Variants in CLYBL observed in about 807,000 individuals in gnomAD.
CLYBL encodes the protein citramalyl-CoA lyase, mitochondrial.
A neutral mutation model predicts 38.9 loss-of-function variants in CLYBL; 31 were observed. The observed-to-expected ratio is 0.80, with a 90% CI of 0.60 to 1.08. The LOEUF is 1.08. CLYBL is among the 50% of genes least tolerant of loss of function. The pLI is 0.00. For missense variants in CLYBL, 434 were observed against 411.6 expected (o/e 1.05, Z -0.47); for synonymous variants, 171 against 158.6 (o/e 1.08, Z -0.59).
intron 1 of CLYBL, 59 bp from the exon 2 acceptor site, chr13:99,772,765 C>G: frequency 7.4e-7 from 1 of 1,347,174 alleles, no homozygotes; most frequent in Non-Finnish European, 1.0e-6. Context: ...TATAGTTTTT[C>G]ACAAGTTTAT....
chr13:99,855,502 A>G (rs2139184673), intron 2 of CLYBL, among the ~76,000 whole-genome samples: 1 of 152,174 alleles, frequency 6.6e-6, no homozygotes, highest in East Asian at 1.9e-4. Context: ...AAAGAGAGAA[A>G]GAAAAAGAAG....
At chr13:99,639,877 A>G (rs2047070015) in intron 1 of CLYBL, among the ~76,000 whole-genome samples, 3 of 152,236 alleles carry the variant, frequency 2.0e-5, no homozygotes, top group Non-Finnish European at 4.4e-5. Flanking sequence ...AGCCTGGGCA[A>G]CATAGCAAGA....
chr13:99,855,738 G>A (rs1199984563), intron 2 of CLYBL, among the ~76,000 whole-genome samples: 7 of 152,026 alleles, frequency 4.6e-5, no homozygotes, highest in Non-Finnish European at 1.0e-4. Flanking sequence ...AGATGGCATG[G>A]GCGTGTTTGC....
In CLYBL at chr13:99,707,907, G is replaced by A. The variant is rs535876449; in HGVS notation, c.63-64917G>A. On this transcript the variant is annotated intron_variant, in intron 1 of 8. Transcript: ENST00000339105. Reference sequence around the variant, plus strand: ...AACAGATTCTGTTGGACCCACAACTGATATGCTTTCAGCCAGGTTCCATTT... The same window carrying A: ...AACAGATTCTGTTGGACCCACAACTAATATGCTTTCAGCCAGGTTCCATTT... Among the ~76,000 whole-genome samples, 9 of 152,300 alleles carry A rather than the reference G, an allele frequency of 5.9e-5. No homozygotes were observed. The South Asian group carries it at 1.9e-3, about 32-fold the overall frequency.
intron 1 of CLYBL, among the ~76,000 whole-genome samples, chr13:99,710,666 C>G (rs1347631188): frequency 6.6e-6 from 1 of 152,122 alleles, no homozygotes; most frequent in Non-Finnish European, 1.5e-5. Flanking sequence ...GTATCAGCCC[C>G]CTAGTTTCTT....
intron 2 of CLYBL, among the ~76,000 whole-genome samples, chr13:99,814,176 C>T (rs546490703): frequency 6.6e-6 from 1 of 152,260 alleles, no homozygotes; most frequent in African/African-American, 2.4e-5. Context: ...ATTACAATGA[C>T]ATTTTCAAAA....
downstream of CLYBL, chr13:99,893,222 G>A (rs2052526371): frequency 6.6e-6 from 1 of 152,430 alleles, no homozygotes; most frequent in Non-Finnish European, 1.5e-5. Context: ...GCCAACTTCA[G>A]AGCCGAATGG....
chr13:99,869,439 C>T lies in CLYBL; in HGVS notation c.803-1499C>T, dbSNP rs114750298. On this transcript the variant is annotated intron_variant, in intron 6 of 8. Transcript: ENST00000339105. The surrounding 1 kb of genome is among the most constrained non-coding windows in gnomAD (Gnocchi z 4.3). The stretch of plus-strand genomic sequence containing the variant: ...CTATTAAATTACTTAAATATAATCT[C>T]GATACCTACTACCGAAAAAAGCCCT... Among the ~76,000 whole-genome samples, 721 of 152,184 alleles carry T rather than the reference C, an allele frequency of 4.7e-3. 5 individuals are homozygous for T. The highest frequency in any genetic ancestry group is 0.016 in the African/African-American group (681 of 41,534).
At chr13:99,797,560 T>TGTGTGTGTGTGTGTG (rs2050046535) in intron 2 of CLYBL, among the ~76,000 whole-genome samples, 2 of 141,708 alleles carry the variant, frequency 1.4e-5, no homozygotes, top group African/African-American at 2.7e-5. Context: ...TGTTAGCTGT[T>TGTGTGTGTGTGTGTG]TGTGTGTGTG....
Position 99,865,093 on chromosome 13 carries a change from C to G in CLYBL, c.634+182C>G, listed in dbSNP as rs769358515. ...CCTGATAATTTAGGGCTCCTCATAG[C>G]TGCCCTGCTTCTAGAGCACTGCATT... On this transcript the variant is annotated intron_variant, in intron 5 of 8. Coordinates refer to ENST00000339105, the MANE Select transcript of CLYBL (RefSeq NM_206808.5). The surrounding 1 kb of genome is among the most constrained non-coding windows in gnomAD (Gnocchi z 4.7). 20 of 651,848 alleles carry G rather than the reference C, an allele frequency of 3.1e-5. No homozygotes were observed. The highest frequency in any genetic ancestry group is 8.7e-6 in the Non-Finnish European group (3 of 346,638). The allele number at this position is 651,848 out of a possible 1,614,324, so 40.4% of individuals were successfully genotyped here.
chr13:99,617,921 C>T (rs2046737174), intron 1 of CLYBL, among the ~76,000 whole-genome samples: 1 of 152,158 alleles, frequency 6.6e-6, no homozygotes, highest in African/African-American at 2.4e-5. Context: ...TCCTTGACCA[C>T]CCTGTACAAC....
chr13:99,724,896 A>G (rs904768065), intron 1 of CLYBL, among the ~76,000 whole-genome samples: 9 of 152,228 alleles, frequency 5.9e-5, no homozygotes, highest in Non-Finnish European at 1.2e-4. Flanking sequence ...GTCACTTGCC[A>G]CCAGTATCCT....
chr13:99,896,911 C>A (rs1374066114), downstream of CLYBL: 1 of 152,158 alleles, frequency 6.6e-6, no homozygotes, highest in Non-Finnish European at 1.5e-5. Flanking sequence ...CAACAGACAC[C>A]TGTTGAACCC....
At chr13:99,655,395 T>C (rs868295372) in intron 1 of CLYBL, among the ~76,000 whole-genome samples, 3 of 152,206 alleles carry the variant, frequency 2.0e-5, no homozygotes, top group African/African-American at 4.8e-5. Flanking sequence ...ATTTCGTTAC[T>C]GGCAAGATGA....
intron 1 of CLYBL, among the ~76,000 whole-genome samples, chr13:99,718,745 TTAGA>T (rs1199515906): frequency 1.3e-5 from 2 of 152,252 alleles, no homozygotes; most frequent in African/African-American, 2.4e-5. Context: ...CTTTTTATCA[TTAGA>T]TAATGATCTT....
chr13:99,839,100 G>A (rs937778534), intron 2 of CLYBL, among the ~76,000 whole-genome samples: 17 of 152,218 alleles, frequency 1.1e-4, no homozygotes, highest in African/African-American at 4.1e-4. Context: ...CTCCATGTGA[G>A]TCAACAGTGT....
At chr13:99,751,537 T>C (rs1035079011) in intron 1 of CLYBL, among the ~76,000 whole-genome samples, 1 of 152,200 alleles carries the variant, frequency 6.6e-6, no homozygotes, top group Non-Finnish European at 1.5e-5. Flanking sequence ...GAAGATATTA[T>C]GCTGAGTGAA....
intron 1 of CLYBL, among the ~76,000 whole-genome samples, chr13:99,747,476 C>T (rs954226644): frequency 1.3e-5 from 2 of 152,080 alleles, no homozygotes; most frequent in Admixed American, 1.3e-4. Context: ...AAGGAGCTAC[C>T]GGGTGCCCAT....
chr13:99,822,278 G>A (rs892365917), intron 2 of CLYBL, among the ~76,000 whole-genome samples: 2 of 152,172 alleles, frequency 1.3e-5, no homozygotes, highest in African/African-American at 4.8e-5. Flanking sequence ...TAATATAGTA[G>A]GCATACCATC....
Sources: gnomAD v4.1 joint callset for allele counts (sites outside exome capture counted in the v4.1 genomes callset) on GRCh38, gnomAD v4.1.1 for gene constraint, Gnocchi (gnomAD v3.1) non-coding constraint, MANE v1.5 for transcripts, NCBI Gene and HGNC (gene_info 2026-07-23, HGNC 2026-07-21) for gene names.